DOCK9: variants seen among roughly 807,000 people sequenced by gnomAD.
The protein encoded by DOCK9 is dedicator of cytokinesis 9, also known as dedicator of cytokinesis protein 9.
A neutral mutation model predicts 263.3 loss-of-function variants in DOCK9; 89 were observed. That is an observed-to-expected ratio of 0.34 (90% confidence interval 0.28 to 0.40). The LOEUF is 0.40. Ranked by LOEUF, DOCK9 falls within the 10% of genes least tolerant of loss-of-function variation. DOCK9 has a pLI of 1.00. For missense variants in DOCK9, 2,140 were observed against 2,603.4 expected, an observed-to-expected ratio of 0.82 and a Z score of 3.87; for synonymous variants, 976 against 973.1, an observed-to-expected ratio of 1.00 and a Z score of -0.06.
At chr13:99,000,789 C>G (rs1882136458) in intron 1 of DOCK9, among the ~76,000 whole-genome samples, 2 of 152,150 alleles carry the variant, frequency 1.3e-5, no homozygotes, top group Admixed American at 6.5e-5. Context: ...AGATACAAGT[C>G]TATTAGCTAT....
intron 1 of DOCK9, among the ~76,000 whole-genome samples, chr13:99,062,673 G>C (rs1297647600): frequency 6.6e-6 from 1 of 152,190 alleles, no homozygotes; most frequent in Non-Finnish European, 1.5e-5. Flanking sequence ...TTTGTTCACT[G>C]CTCGTAACAG....
At chr13:99,000,428 C>G (rs2141828879) in intron 1 of DOCK9, among the ~76,000 whole-genome samples, 1 of 152,266 alleles carries the variant, frequency 6.6e-6, no homozygotes, top group Middle Eastern at 3.4e-3. Flanking sequence ...CCAAACTTCT[C>G]CTCCTGAGGG....
rs1459511667 is a variant in DOCK9 at position 98,867,408 on chromosome 13, A to C, written c.3286+17T>G. 2.9e-6 allele frequency: 4 copies of C among 1,361,312 alleles called. No individual in the cohort carries two copies. In the African/African-American group the frequency reaches 5.8e-5, roughly 20 times the overall value. 84.3% of individuals were successfully genotyped at this position (1,361,312 alleles called of 1,614,324 possible). ...TCTCTGTTTGTGAAAAGGTTAATAGAAATAAAGATGGATTACCTTGGTATC... is the reference window on the plus strand; with the variant it reads ...TCTCTGTTTGTGAAAAGGTTAATAGCAATAAAGATGGATTACCTTGGTATC... On this transcript the variant is annotated intron_variant, in intron 30 of 52. Transcript: ENST00000682017.
intron 1 of DOCK9, among the ~76,000 whole-genome samples, chr13:99,081,463 T>C (rs1452758983): frequency 2.6e-5 from 4 of 152,218 alleles, no homozygotes; most frequent in Non-Finnish European, 5.9e-5. Context: ...GGCAAGTGCT[T>C]GACATCGAAG....
intron 1 of DOCK9, among the ~76,000 whole-genome samples, chr13:98,996,559 G>T (rs183021468): frequency 2.5e-4 from 38 of 152,318 alleles, no homozygotes; most frequent in Non-Finnish European, 4.6e-4. Flanking sequence ...GACCTGGAGG[G>T]GATAATCTAA....
intron 50 of DOCK9, among the ~76,000 whole-genome samples, chr13:98,798,278 C>T (rs35850542): frequency 0.066 from 9,985 of 152,200 alleles, 460 homozygotes; most frequent in Middle Eastern, 0.11. Context: ...GTGAGCTTAG[C>T]AAGGAATTAG....
At chr13:98,897,347 G>T in intron 15 of DOCK9, 141 bp downstream of exon 15, 2 of 1,029,884 alleles carry the variant, frequency 1.9e-6, no homozygotes, top group Non-Finnish European at 2.8e-6. Flanking sequence ...TCTTCTCAAG[G>T]GTTTGAGGAA....
intron 22 of DOCK9, among the ~76,000 whole-genome samples, 192 bp downstream of exon 22, chr13:98,883,621 T>C (rs758103743): frequency 6.6e-6 from 1 of 152,212 alleles, no homozygotes; most frequent in Non-Finnish European, 1.5e-5. Flanking sequence ...GGAAATCTGT[T>C]GCAAAATGAT....
intron 3 of DOCK9, 114 bp downstream of exon 3, chr13:98,930,054 T>C (rs749078901): frequency 2.2e-5 from 21 of 938,212 alleles, no homozygotes; most frequent in Non-Finnish European, 3.3e-5. Context: ...ACTTCCATCA[T>C]AGAAATACAA....
chr13:98,794,942 T>C (rs1341570189), intron 52 of DOCK9, among the ~76,000 whole-genome samples, 194 bp from the exon 53 acceptor site: 1 of 152,030 alleles, frequency 6.6e-6, no homozygotes, highest in African/African-American at 2.4e-5. Flanking sequence ...GCACCCCACA[T>C]CACACACACA....
At chr13:99,029,739 T>C (rs1887134970) in intron 1 of DOCK9, among the ~76,000 whole-genome samples, 1 of 152,144 alleles carries the variant, frequency 6.6e-6, no homozygotes, top group Admixed American at 6.5e-5. Context: ...CAAAGCCACT[T>C]TGGGAAACAG....
chr13:98,824,340 A>G, intron 45 of DOCK9, 58 bp downstream of exon 45: 2 of 1,514,658 alleles, frequency 1.3e-6, no homozygotes, highest in Non-Finnish European at 1.8e-6. Flanking sequence ...TAGCAATGCA[A>G]ACAGCAGGCT....
At chr13:99,070,004 C>T (rs181618285) in intron 1 of DOCK9, among the ~76,000 whole-genome samples, 1 of 152,162 alleles carries the variant, frequency 6.6e-6, no homozygotes, top group African/African-American at 2.4e-5. Flanking sequence ...TTTCCAGAGG[C>T]CAAAGATAGA....
In DOCK9 at chr13:98,829,239, CTTT is replaced by C; in HGVS notation, c.4965+65_4965+67del. ...ATGGAATAACTTTTCTCAAAACTGG[CTTT>C]TTAAGTGAATGGGGCCTCACTGGTT... On this transcript the variant is annotated intron_variant, in intron 43 of 52. Transcript: ENST00000682017. The surrounding 1 kb of genome is among the most constrained non-coding windows in gnomAD (Gnocchi z 4.1). 7.0e-7 allele frequency: 1 copy of C among 1,430,908 alleles called. No homozygotes were observed. Among genetic ancestry groups the C allele is most frequent in the East Asian group, 2.5e-5 (1 of 40,576 alleles). 88.6% of individuals were successfully genotyped at this position (1,430,908 alleles called of 1,614,324 possible).
At chr13:98,962,109 C>T (rs934770963) in intron 1 of DOCK9, among the ~76,000 whole-genome samples, 4 of 152,038 alleles carry the variant, frequency 2.6e-5, no homozygotes, top group African/African-American at 9.7e-5. Context: ...ACTAATCATG[C>T]CAAGGGAAAC....
intron 1 of DOCK9, among the ~76,000 whole-genome samples, chr13:99,075,580 G>A (rs890470293): frequency 1.3e-5 from 2 of 151,448 alleles, no homozygotes; most frequent in African/African-American, 4.9e-5. Flanking sequence ...TGCCCAGGCT[G>A]GTCTGAAACT....
chr13:98,826,752 T>G (rs762037081), intron 44 of DOCK9, 78 bp downstream of exon 44: 88 of 1,164,390 alleles, frequency 7.6e-5, no homozygotes, highest in Non-Finnish European at 1.1e-4. Flanking sequence ...CCAATCTTCC[T>G]GAATGGCTCT....
chr13:98,921,460 C>T (rs77542527), intron 6 of DOCK9, among the ~76,000 whole-genome samples: 1,902 of 152,256 alleles, frequency 0.012, 29 homozygotes, highest in Non-Finnish European at 0.022. Context: ...TGCCTCATGA[C>T]GCTGAATGAT....
chr13:99,040,912 G>A (rs1888395098), intron 1 of DOCK9, among the ~76,000 whole-genome samples: 1 of 152,152 alleles, frequency 6.6e-6, no homozygotes, highest in Admixed American at 6.5e-5. Context: ...AACTGGTTTG[G>A]CAGCCTACAT....
Sources: gnomAD v4.1 joint callset for allele counts (sites outside exome capture counted in the v4.1 genomes callset) on GRCh38, gnomAD v4.1.1 for gene constraint, Gnocchi (gnomAD v3.1) non-coding constraint, MANE v1.5 for transcripts, NCBI Gene and HGNC (gene_info 2026-07-23, HGNC 2026-07-21) for gene names.